Variants in MYCBP2 observed in about 807,000 individuals in gnomAD.
The protein encoded by MYCBP2 is MYC binding protein 2.
MYCBP2 carries 120 observed loss-of-function variants against 525.3 expected under a neutral mutation model. That is an observed-to-expected ratio of 0.23 (90% confidence interval 0.20 to 0.27). The LOEUF (loss-of-function observed/expected upper bound fraction) is 0.27, where lower values mean the gene tolerates loss of function less well. Among genes scored for constraint, MYCBP2 ranks in the 10% least tolerant of loss-of-function variants. MYCBP2 has a pLI of 1.00. For missense variants in MYCBP2, 4,149 were observed against 5,657.1 expected (o/e 0.73, Z 8.55); for synonymous variants, 1,894 against 1,955.8 (o/e 0.97, Z 0.83).
intron 55 of MYCBP2, 32 bp downstream of exon 55, chr13:77,121,339 TAG>T (rs766826443): frequency 1.4e-6 from 2 of 1,460,228 alleles, no homozygotes; most frequent in South Asian, 3.1e-5. Flanking sequence ...ATATTGAAGT[TAG>T]GTAAGTAAAA....
rs1050653535 is a variant in MYCBP2 at position 77,211,892 on chromosome 13, T to C, written c.3262+64A>G. 1.6e-4 allele frequency: 213 copies of C among 1,291,968 alleles called. 1 individual carries two copies. Among genetic ancestry groups the C allele is most frequent in the Non-Finnish European group, 1.8e-4 (162 of 907,960 alleles). The allele number at this position is 1,291,968 out of a possible 1,614,324, so 80.0% of individuals were successfully genotyped here. A position where few individuals can be genotyped will look rare whatever the true frequency, so the allele number is the denominator to read the frequency against. On this transcript the variant is annotated intron_variant, in intron 22 of 82. Transcript: ENST00000544440. Reference sequence around the variant, plus strand: ...AAGTACATTTCATTAAAGGGAAAGATAAACCATTTACTATCAATCAAGACA... The same window carrying C: ...AAGTACATTTCATTAAAGGGAAAGACAAACCATTTACTATCAATCAAGACA...
chr13:77,091,251 T>C (rs991007719), intron 59 of MYCBP2, among the ~76,000 whole-genome samples: 1 of 152,122 alleles, frequency 6.6e-6, no homozygotes, highest in East Asian at 1.9e-4. Context: ...TGGCAGTAAA[T>C]GTCCCTGGGT....
At chr13:77,188,755 A>G (rs2061004032) in intron 30 of MYCBP2, among the ~76,000 whole-genome samples, 196 bp downstream of exon 30, 1 of 152,240 alleles carries the variant, frequency 6.6e-6, no homozygotes, top group Non-Finnish European at 1.5e-5. Flanking sequence ...TGTTAAAATC[A>G]TAGGCCAACA....
Position 77,057,231 on chromosome 13 carries a change from T to C in MYCBP2, c.13330-138A>G, listed in dbSNP as rs1202535811. 1.7e-5 allele frequency: 10 copies of C among 594,878 alleles called. No homozygotes were observed. In the Middle Eastern group the frequency reaches 1.0e-3, roughly 61 times the overall value. 36.8% of individuals were successfully genotyped at this position (594,878 alleles called of 1,614,324 possible). A position where few individuals can be genotyped will look rare whatever the true frequency, so the allele number is the denominator to read the frequency against. ...AGAAATTTACTATAATGAAAATTCA[T>C]TGGGACACTGAAATTGGGACATTAT... is the stretch of plus-strand genomic sequence containing the variant. On this transcript the variant is annotated intron_variant, in intron 78 of 82. Coordinates refer to ENST00000544440, the MANE Select transcript of MYCBP2 (RefSeq NM_015057.5).
At chr13:77,157,125 T>C (rs2057302835) in intron 45 of MYCBP2, among the ~76,000 whole-genome samples, 1 of 152,220 alleles carries the variant, frequency 6.6e-6, no homozygotes, top group Admixed American at 6.5e-5. Flanking sequence ...CTTGCTCTGT[T>C]GCCCAAGCTG....
chr13:77,198,782 G>A (rs1433421549), intron 26 of MYCBP2, among the ~76,000 whole-genome samples: 2 of 152,134 alleles, frequency 1.3e-5, no homozygotes, highest in Non-Finnish European at 2.9e-5. Context: ...GGGTGAAGAT[G>A]TCTGTTTACA....
At chr13:77,106,916 C>T (rs1159427892) in intron 55 of MYCBP2, among the ~76,000 whole-genome samples, 1 of 152,136 alleles carries the variant, frequency 6.6e-6, no homozygotes, top group Non-Finnish European at 1.5e-5. Context: ...GCAATCTTAA[C>T]TAAGATATTG....
chr13:77,290,840 A>G (rs543403201), intron 2 of MYCBP2, among the ~76,000 whole-genome samples: 17 of 152,356 alleles, frequency 1.1e-4, no homozygotes, highest in African/African-American at 4.1e-4. Context: ...ACTTAGGTGC[A>G]CACAAACACA....
chr13:77,070,054 A>G (rs1217516716), intron 69 of MYCBP2, among the ~76,000 whole-genome samples: 1 of 152,226 alleles, frequency 6.6e-6, no homozygotes, highest in African/African-American at 2.4e-5. Flanking sequence ...GCCAACACAC[A>G]GAAGAATGGG....
intron 55 of MYCBP2, among the ~76,000 whole-genome samples, chr13:77,115,246 T>C (rs922364612): frequency 7.2e-5 from 11 of 151,964 alleles, no homozygotes; most frequent in African/African-American, 2.4e-4. Flanking sequence ...ATGGTGATAA[T>C]GAAAATAAGG....
chr13:77,119,810 A>C (rs567736242), intron 55 of MYCBP2, among the ~76,000 whole-genome samples: 1 of 152,264 alleles, frequency 6.6e-6, no homozygotes, highest in East Asian at 1.9e-4. Flanking sequence ...CTACATCCTT[A>C]AACTCCTGGC....
intron 80 of MYCBP2, among the ~76,000 whole-genome samples, chr13:77,054,413 A>T (rs2037450182): frequency 6.6e-6 from 1 of 151,610 alleles, no homozygotes; most frequent in Non-Finnish European, 1.5e-5. Context: ...AGTATTAATT[A>T]GCAGCAGTGT....
intron 1 of MYCBP2, among the ~76,000 whole-genome samples, chr13:77,316,509 C>T (rs1567240313): frequency 6.6e-6 from 1 of 152,152 alleles, no homozygotes; most frequent in Non-Finnish European, 1.5e-5. Flanking sequence ...GCTCTGGGTT[C>T]CACAATACAG....
chr13:77,216,670 A>G (rs745430273), intron 21 of MYCBP2, among the ~76,000 whole-genome samples: 1 of 152,208 alleles, frequency 6.6e-6, no homozygotes, highest in Non-Finnish European at 1.5e-5. Flanking sequence ...AGAGGATTCT[A>G]TTTTTCAAAA....
intron 68 of MYCBP2, 33 bp from the exon 69 acceptor site, chr13:77,070,744 ATGAAG>A (rs1566380046): frequency 4.3e-6 from 6 of 1,389,820 alleles, no homozygotes; most frequent in Non-Finnish European, 6.0e-6. Flanking sequence ...AAAAAAAAGA[ATGAAG>A]TGGTCTCTTT....
chr13:77,180,371 A>C, intron 33 of MYCBP2, 53 bp from the exon 34 acceptor site: 1 of 1,481,938 alleles, frequency 6.7e-7, no homozygotes, highest in Non-Finnish European at 9.3e-7. Flanking sequence ...CCTTCATAGG[A>C]GTACTCAATT....
At chr13:77,129,388 C>A (rs1273095897) in intron 52 of MYCBP2, 1 of 379,730 alleles carries the variant, frequency 2.6e-6, no homozygotes, top group Non-Finnish European at 4.7e-6. Flanking sequence ...TCTGAGTAAA[C>A]AACACACCGA....
In MYCBP2 at chr13:77,324,089, C is replaced by G. The variant is rs559855457; in HGVS notation, c.302+2385G>C. Reference sequence around the variant, plus strand: ...TCAACTTTGAAATCCCCTTGAGTTACCAAAAACACATTCCATTCACTCCTC... The same window carrying G: ...TCAACTTTGAAATCCCCTTGAGTTAGCAAAAACACATTCCATTCACTCCTC... On this transcript the variant is annotated intron_variant, in intron 1 of 82. Coordinates refer to ENST00000544440, the MANE Select transcript of MYCBP2 (RefSeq NM_015057.5). 1.1e-3 allele frequency among the ~76,000 whole-genome samples: 174 copies of G among 152,154 alleles called. 1 individual carries two copies. Among genetic ancestry groups the G allele is most frequent in the Non-Finnish European group, 1.4e-3 (95 of 68,024 alleles).
chr13:77,174,848 C>G (rs1246021413), intron 36 of MYCBP2, among the ~76,000 whole-genome samples: 1 of 96,540 alleles, frequency 1.0e-5, no homozygotes, highest in African/African-American at 3.8e-5. Flanking sequence ...CTGAACACAA[C>G]CAATGTAACT....
Sources: gnomAD v4.1 joint callset for allele counts (sites outside exome capture counted in the v4.1 genomes callset) on GRCh38, gnomAD v4.1.1 for gene constraint, MANE v1.5 for transcripts, NCBI Gene and HGNC (gene_info 2026-07-23, HGNC 2026-07-21) for gene names.